NAB1: variants seen among roughly 807,000 people sequenced by gnomAD.
The protein encoded by NAB1 is NGFI-A binding protein 1, also known as NGFI-A-binding protein 1.
NAB1 carries 25 observed loss-of-function variants against 49.9 expected under a neutral mutation model. The ratio of observed to expected loss-of-function variants is 0.50; its 90% confidence interval spans 0.37 to 0.70. NAB1 has a LOEUF of 0.70. Among genes scored for constraint, NAB1 ranks in the 30% least tolerant of loss-of-function variants. The pLI is 0.00. For missense variants in NAB1, 489 were observed against 575.9 expected (o/e 0.85, Z 1.54); for synonymous variants, 198 against 215.6 (o/e 0.92, Z 0.71).
intron 3 of NAB1, among the ~76,000 whole-genome samples, chr2:190,658,864 A>G (rs930069808): frequency 6.6e-6 from 1 of 152,238 alleles, no homozygotes; most frequent in Non-Finnish European, 1.5e-5. Context: ...GTAGCAAAGT[A>G]TATAGCCAAA....
chr2:190,648,951 C>G (rs866572356), upstream of NAB1: 1 of 149,542 alleles, frequency 6.7e-6, no homozygotes, highest in Non-Finnish European at 1.5e-5. Flanking sequence ...AGAGCGGAAT[C>G]TCCCAATGTG....
chr2:190,672,382 TTTAA>T lies in NAB1; in HGVS notation c.954-712_954-709del, dbSNP rs557507477. Reference sequence around the variant, plus strand: ...ACTTGTAGTTGATGGCTTGTCATAGTTTAATTAATTTCATAGTGGTACATGAAAT... The same window carrying T: ...ACTTGTAGTTGATGGCTTGTCATAGTTTAATTTCATAGTGGTACATGAAAT... On this transcript the variant is annotated intron_variant, in intron 5 of 9. Transcript: ENST00000337386. 9.8e-5 allele frequency among the ~76,000 whole-genome samples: 15 copies of T among 152,354 alleles called. No individual in the cohort carries two copies. The East Asian group carries it at 2.3e-3, about 23-fold the overall frequency.
rs1462610434 is a variant in NAB1, at chr2:190,667,596, A to G, written c.820-2730A>G. On this transcript the variant is annotated intron_variant, in intron 4 of 9. Transcript: ENST00000337386. The surrounding 1 kb of genome is among the most constrained non-coding windows in gnomAD (Gnocchi z 4.4). ...CTGAAAATAAATTCTTCCTTCAATT[A>G]TGCTTTCATATTCAGCTATGGGTTT... Among the ~76,000 whole-genome samples, 1 of 152,202 alleles carries G rather than the reference A, an allele frequency of 6.6e-6. No individual in the cohort carries two copies. Among genetic ancestry groups the G allele is most frequent in the African/African-American group, 2.4e-5 (1 of 41,460 alleles).
rs773974370 is a variant in NAB1, at chr2:190,685,488, G to A, written c.1108G>A (p.Val370Met). The A allele has an allele frequency of 3.7e-6, 6 of 1,608,974 alleles. No individual in the cohort carries two copies. The highest frequency in any genetic ancestry group is 5.1e-6 in the Non-Finnish European group (6 of 1,178,516). Residue 370 changes from valine (V) to methionine (M), a missense_variant, in exon 8 of 10, where the codon GTG (valine) becomes ATG (methionine). Transcript: ENST00000337386. This position sits in a 1 kb window ranked among gnomAD's most constrained non-coding sequence, Gnocchi z 4.5. The part of the protein sequence containing the change: ...AALSSQQPEK[V>M]MAKQMEFLCN... ...CTTTACTTACTAGCAGCCTGAAAAGGTGATGGCAAAGCAGATGGAGTTCCT... is the reference window on the plus strand; with the variant it reads ...CTTTACTTACTAGCAGCCTGAAAAGATGATGGCAAAGCAGATGGAGTTCCT...
rs1324619463 is a variant in NAB1, at chr2:190,654,219, TGCCTTC to T, written c.-196-1757_-196-1752del. Reference sequence around the variant, plus strand: ...ACTTGTTCTGCAGAGCCAGGCAGGTTGCCTTCCTTGTGCCATGACTCCTTCACAGCT... The same window carrying T: ...ACTTGTTCTGCAGAGCCAGGCAGGTTCTTGTGCCATGACTCCTTCACAGCT... On this transcript the variant is annotated intron_variant, in intron 2 of 9. Coordinates refer to ENST00000337386, the MANE Select transcript of NAB1 (RefSeq NM_005966.4). The surrounding 1 kb of genome is among the most constrained non-coding windows in gnomAD (Gnocchi z 5.6). Among the ~76,000 whole-genome samples the T allele has an allele frequency of 3.9e-5, 6 of 152,216 alleles. No individual in the cohort carries two copies. Among genetic ancestry groups the T allele is most frequent in the Non-Finnish European group, 8.8e-5 (6 of 68,028 alleles).
chr2:190,661,785 AAACTT>A (rs1694240808), intron 4 of NAB1, among the ~76,000 whole-genome samples: 1 of 152,298 alleles, frequency 6.6e-6, no homozygotes, highest in East Asian at 1.9e-4. Context: ...TGTGTTTTTG[AAACTT>A]AACTTAGGCC....
intron 9 of NAB1, 43 bp downstream of exon 9, chr2:190,687,360 AGCATCTTTAAATTCT>A (rs762621390): frequency 9.4e-7 from 1 of 1,062,746 alleles, no homozygotes; most frequent in Non-Finnish European, 1.4e-6. Flanking sequence ...CTTGAATAAA[AGCATCTTTAAATTCT>A]GTTCTATTTC....
At chr2:190,688,680 A>G (rs921022881) in intron 9 of NAB1, among the ~76,000 whole-genome samples, 2 of 152,218 alleles carry the variant, frequency 1.3e-5, no homozygotes, top group Non-Finnish European at 2.9e-5. Context: ...TCATGGAGAT[A>G]TATTACATAG....
chr2:190,665,493 G>A (rs970651320), intron 4 of NAB1, among the ~76,000 whole-genome samples: 8 of 152,082 alleles, frequency 5.3e-5, no homozygotes, highest in African/African-American at 1.9e-4. Context: ...GTCTTTGAGG[G>A]TCTGATTTTG....
At position 190,659,202 on chromosome 2, in the gene NAB1, TG is replaced by T; in HGVS notation, c.31del (p.Glu11SerfsTer62). 6.2e-7 allele frequency: 1 copy of T among 1,612,958 alleles called. No homozygotes were observed. Among genetic ancestry groups the T allele is most frequent in the Non-Finnish European group, 8.5e-7 (1 of 1,179,702 alleles). On this transcript the variant is annotated frameshift_variant, in exon 4 of 10. Coordinates refer to ENST00000337386, the MANE Select transcript of NAB1 (RefSeq NM_005966.4). LOFTEE classifies it high-confidence loss of function. The surrounding 1 kb of genome is among the most constrained non-coding windows in gnomAD (Gnocchi z 6.2). MAAALPRT[L>X]GELQLYRILQ... ...ATGGCTGCGGCCTTACCCAGGACCCTGGGGGAGTTGCAGCTGTATAGAATAT... is the reference window on the plus strand; with the variant it reads ...ATGGCTGCGGCCTTACCCAGGACCCTGGGGAGTTGCAGCTGTATAGAATAT...
Position 190,677,627 on chromosome 2 carries a change from AT to A in NAB1, c.1005+4479del, listed in dbSNP as rs1483230320. 14 of 152,160 alleles carry A rather than the reference AT, an allele frequency of 9.2e-5. No homozygotes were observed. The highest frequency in any genetic ancestry group is 1.8e-4 in the Non-Finnish European group (12 of 68,004). The allele number at this position is 152,160 out of a possible 1,614,324, so 9.4% of individuals were successfully genotyped here. ...AAAATCGCTACTTTGTATTGCTTTTATTTTGTGTCAGTCCCTACTAGACATT... is the reference window on the plus strand; with the variant it reads ...AAAATCGCTACTTTGTATTGCTTTTATTTGTGTCAGTCCCTACTAGACATT... On this transcript the variant is annotated intron_variant, in intron 6 of 9. Transcript: ENST00000337386. The surrounding 1 kb of genome is among the most constrained non-coding windows in gnomAD (Gnocchi z 5.6).
rs1695537590 is a variant in NAB1, at chr2:190,685,038, C to T, written c.1096-438C>T. ...CAGCCGTTTTACACCTTTTCTCCCC[C>T]AAACATATTGTCATCATATCAGAGT... On this transcript the variant is annotated intron_variant, in intron 7 of 9. Transcript: ENST00000337386. The surrounding 1 kb of genome is among the most constrained non-coding windows in gnomAD (Gnocchi z 4.5). Among the ~76,000 whole-genome samples, 1 of 152,148 alleles carries T rather than the reference C, an allele frequency of 6.6e-6. No individual in the cohort carries two copies. Among genetic ancestry groups the T allele is most frequent in the Admixed American group, 6.5e-5 (1 of 15,284 alleles).
chr2:190,665,484 T>C (rs540303197), intron 4 of NAB1, among the ~76,000 whole-genome samples: 1 of 152,336 alleles, frequency 6.6e-6, no homozygotes, highest in Admixed American at 6.5e-5. Flanking sequence ...TCAAATGAAG[T>C]CTTTGAGGGT....
chr2:190,682,512 T>C lies in NAB1; in HGVS notation c.1006-1226T>C, dbSNP rs1695399523. 6.6e-6 allele frequency among the ~76,000 whole-genome samples: 1 copy of C among 152,236 alleles called. No homozygotes were observed. Among genetic ancestry groups the C allele is most frequent in the Admixed American group, 6.5e-5 (1 of 15,282 alleles). On this transcript the variant is annotated intron_variant, in intron 6 of 9. Transcript: ENST00000337386. The surrounding 1 kb of genome is among the most constrained non-coding windows in gnomAD (Gnocchi z 4.1). ...AGGTTGGGATTATCGGTTAGCACTT[T>C]AAAGAACATTTAGTTTGGATCGTTA...
rs1251256719 is a variant in NAB1 at position 190,680,494 on chromosome 2, C to G, written c.1006-3244C>G. On this transcript the variant is annotated intron_variant, in intron 6 of 9. Transcript: ENST00000337386. The surrounding 1 kb of genome is among the most constrained non-coding windows in gnomAD (Gnocchi z 5.2). ...CAGCGCCCTCTGCTGTGCTCTGGGT[C>G]TCCGTCCATTTCCCTCCCTGGACTG... Among the ~76,000 whole-genome samples, 1 of 152,204 alleles carries G rather than the reference C, an allele frequency of 6.6e-6. No homozygotes were observed. The highest frequency in any genetic ancestry group is 1.5e-5 in the Non-Finnish European group (1 of 68,032).
At position 190,669,990 on chromosome 2, in the gene NAB1, A is replaced by G. The variant is rs1348793784; in HGVS notation, c.820-336A>G. Among the ~76,000 whole-genome samples the G allele has an allele frequency of 1.3e-5, 2 of 152,176 alleles. No individual in the cohort carries two copies. The highest frequency in any genetic ancestry group is 2.9e-5 in the Non-Finnish European group (2 of 68,028). On this transcript the variant is annotated intron_variant, in intron 4 of 9. Coordinates refer to ENST00000337386, the MANE Select transcript of NAB1 (RefSeq NM_005966.4). The surrounding 1 kb of genome is among the most constrained non-coding windows in gnomAD (Gnocchi z 4.3). The stretch of plus-strand genomic sequence containing the variant: ...TGGTGTCAGCAAATCCTGTATTCTA[A>G]TATTTTGGGTTTTTTTATAAGCGAG...
chr2:190,684,120 A>G lies in NAB1; in HGVS notation c.1095+293A>G, dbSNP rs1351566748. 1.3e-5 allele frequency among the ~76,000 whole-genome samples: 2 copies of G among 152,182 alleles called. No homozygotes were observed. Among genetic ancestry groups the G allele is most frequent in the Non-Finnish European group, 2.9e-5 (2 of 68,020 alleles). On this transcript the variant is annotated intron_variant, in intron 7 of 9. Transcript: ENST00000337386. This position sits in a 1 kb window ranked among gnomAD's most constrained non-coding sequence, Gnocchi z 4.6. ...CTTAAACAGTTTGATAATCAGGAAA[A>G]CCAGCCATGTTGACCATGGCTGTGT... is the stretch of plus-strand genomic sequence containing the variant.
rs990544659 is a variant in NAB1 at position 190,654,268 on chromosome 2, T to C, written c.-196-1709T>C. ...TCACAGCTGCACAGCATTTACCACA[T>C]TGTTTAAGTCTCTGCTTCTTGTCTC... On this transcript the variant is annotated intron_variant, in intron 2 of 9. Transcript: ENST00000337386. This position sits in a 1 kb window ranked among gnomAD's most constrained non-coding sequence, Gnocchi z 5.6. Among the ~76,000 whole-genome samples the C allele has an allele frequency of 3.9e-5, 6 of 152,176 alleles. No homozygotes were observed. The highest frequency in any genetic ancestry group is 8.8e-5 in the Non-Finnish European group (6 of 68,024).
At chr2:190,665,987 A>T (rs1237925074) in intron 4 of NAB1, among the ~76,000 whole-genome samples, 1 of 152,096 alleles carries the variant, frequency 6.6e-6, no homozygotes, top group Non-Finnish European at 1.5e-5. Flanking sequence ...GAGGCCATGA[A>T]GATTGAAACT....
Sources: allele counts gnomAD v4.1 joint callset (sites outside exome capture counted in the v4.1 genomes callset), GRCh38; gene constraint gnomAD v4.1.1; non-coding constraint Gnocchi (gnomAD v3.1); transcripts MANE v1.5; gene names NCBI Gene and HGNC (gene_info 2026-07-23, HGNC 2026-07-21).